Variants in GRB10 observed in about 807,000 individuals in gnomAD.
GRB10 encodes growth factor receptor-bound protein 10.
Under a neutral mutation model 80.9 loss-of-function variants are expected in GRB10, and 20 were observed. That is an observed-to-expected ratio of 0.25 (90% confidence interval 0.17 to 0.36). GRB10 has a LOEUF of 0.36. Among genes scored for constraint, GRB10 ranks in the 10% least tolerant of loss-of-function variants. The probability of loss-of-function intolerance (pLI) is 1.00; values close to 1 mark genes in which losing one functional copy is unlikely to be tolerated. For missense variants in GRB10, 548 were observed against 747.7 expected, an observed-to-expected ratio of 0.73 and a Z score of 3.12; for synonymous variants, 291 against 291.5, an observed-to-expected ratio of 1.00 and a Z score of 0.02.
At chr7:50,606,550 A>T in intron 13 of GRB10, 136 bp from the exon 14 acceptor site, 1 of 719,844 alleles carries the variant, frequency 1.4e-6, no homozygotes, top group Non-Finnish European at 2.5e-6. Context: ...CAGGAGCCTG[A>T]GTGCCGCTGA....
intron 2 of GRB10, among the ~76,000 whole-genome samples, chr7:50,776,320 C>T (rs2077641007): frequency 6.6e-6 from 1 of 152,070 alleles, no homozygotes; most frequent in Non-Finnish European, 1.5e-5. Flanking sequence ...CTCAAGTGAT[C>T]TTCCCACTTC....
At chr7:50,745,760 G>C (rs2072784408) in intron 3 of GRB10, among the ~76,000 whole-genome samples, 1 of 152,170 alleles carries the variant, frequency 6.6e-6, no homozygotes, top group Non-Finnish European at 1.5e-5. Context: ...TAAACCATTT[G>C]TCCCTATAAT....
rs760985397 is a variant in GRB10, at chr7:50,619,231, C to G, written c.716G>C (p.Ser239Thr). ...LVVQVESTMA[S>T]ESKFLFRKNY... ...CTTCCTGAATAGAAATTTACTCTCA[C>G]TGGCCATGGTACTCTCCACCTGGAC... The change falls in exon 9 of 19, where the codon AGT (serine) becomes ACT (threonine). Residue 239 changes from serine to threonine, a missense_variant. By Grantham distance (58) the Ser-to-Thr change is moderately conservative (BLOSUM62 1). This residue lies in a region of GRB10 where 270 missense variants were observed against 433.6 expected (regional missense o/e 0.62). Transcript: ENST00000401949. The G allele has an allele frequency of 6.2e-7, 1 of 1,613,848 alleles. No homozygotes were observed. Among genetic ancestry groups the G allele is most frequent in the Non-Finnish European group, 8.5e-7 (1 of 1,179,870 alleles).
At chr7:50,735,921 T>C (rs1282532340) in intron 3 of GRB10, among the ~76,000 whole-genome samples, 1 of 152,148 alleles carries the variant, frequency 6.6e-6, no homozygotes, top group Non-Finnish European at 1.5e-5. Flanking sequence ...TCATATGGCT[T>C]CTCAAGGGAC....
chr7:50,677,362 T>C (rs1256622282), intron 5 of GRB10, among the ~76,000 whole-genome samples: 2 of 151,910 alleles, frequency 1.3e-5, no homozygotes, highest in African/African-American at 4.8e-5. Context: ...TGGCAAAAAA[T>C]CAGGACCCCT....
intron 7 of GRB10, among the ~76,000 whole-genome samples, chr7:50,652,976 C>T (rs1483031737): frequency 6.6e-6 from 1 of 152,180 alleles, no homozygotes; most frequent in East Asian, 1.9e-4. Flanking sequence ...TAGTTATGCT[C>T]TTGGTACCTA....
At chr7:50,664,058 C>T (rs534410975) in intron 7 of GRB10, among the ~76,000 whole-genome samples, 2 of 152,350 alleles carry the variant, frequency 1.3e-5, no homozygotes, top group East Asian at 1.9e-4. Context: ...TGGCCATGCT[C>T]GGCTGATGGG....
At chr7:50,724,089 TC>T (rs915698731) in intron 4 of GRB10, among the ~76,000 whole-genome samples, 1 of 152,182 alleles carries the variant, frequency 6.6e-6, no homozygotes, top group Admixed American at 6.5e-5. Flanking sequence ...ACTCGCACGT[TC>T]CAGCAGCGCC....
intron 14 of GRB10, 84 bp downstream of exon 14, chr7:50,606,253 C>T (rs1402778354): frequency 9.3e-7 from 1 of 1,072,678 alleles, no homozygotes; most frequent in Non-Finnish European, 1.5e-6. Flanking sequence ...TCTTGCCCAC[C>T]CTGTGTGAAA....
At chr7:50,769,080 A>T (rs1732317326) in intron 2 of GRB10, among the ~76,000 whole-genome samples, 1 of 152,136 alleles carries the variant, frequency 6.6e-6, no homozygotes, top group African/African-American at 2.4e-5. Context: ...TAAAGCATCC[A>T]CTACTCCCCA....
At chr7:50,595,633 A>ACACACACACACACC in intron 17 of GRB10, 103 bp from the exon 18 acceptor site, 1 of 765,532 alleles carries the variant, frequency 1.3e-6, no homozygotes, top group Non-Finnish European at 2.3e-6. Flanking sequence ...ACACACACAC[A>ACACACACACACACC]CACAGGCTTG....
At chr7:50,791,830 G>C (rs1445105029) in intron 1 of GRB10, among the ~76,000 whole-genome samples, 1 of 152,178 alleles carries the variant, frequency 6.6e-6, no homozygotes, top group Non-Finnish European at 1.5e-5. Flanking sequence ...TAGACATCTA[G>C]AATCATTCCT....
intron 7 of GRB10, among the ~76,000 whole-genome samples, chr7:50,649,724 G>A (rs975969353): frequency 1.3e-5 from 2 of 152,108 alleles, no homozygotes; most frequent in Non-Finnish European, 2.9e-5. Context: ...GAGAGGACAG[G>A]AAGCACTGGA....
intron 5 of GRB10, among the ~76,000 whole-genome samples, chr7:50,685,944 C>A (rs1487865553): frequency 6.6e-6 from 1 of 152,132 alleles, no homozygotes; most frequent in Non-Finnish European, 1.5e-5. Flanking sequence ...GGCAGATGAT[C>A]TAGAGCTGTA....
rs1271216424 is a variant in GRB10 at position 50,705,386 on chromosome 7, C to T, written c.52-1478G>A. On this transcript the variant is annotated intron_variant, in intron 4 of 18. Coordinates refer to ENST00000401949, the MANE Select transcript of GRB10 (RefSeq NM_001350814.2). ...AAGGGAGACATTTTCACCAGCTTCT[C>T]TCTTTTTCCCCTTTCAAAAGAAATA... 3 of 658,410 alleles carry T rather than the reference C, an allele frequency of 4.6e-6. No individual in the cohort carries two copies. In the East Asian group the frequency reaches 4.0e-4, roughly 89 times the overall value. 40.8% of individuals were successfully genotyped at this position (658,410 alleles called of 1,614,324 possible).
intron 1 of GRB10, chr7:50,781,537 T>C (rs992418450): frequency 6.6e-6 from 1 of 152,126 alleles, no homozygotes; most frequent in Non-Finnish European, 1.5e-5. Context: ...AAAAGAACAA[T>C]GAGGAAAGAC....
Position 50,606,919 on chromosome 7 carries a change from C to T in GRB10, c.1195-505G>A, listed in dbSNP as rs957631180. 1.2e-4 allele frequency: 20 copies of T among 173,638 alleles called. No homozygotes were observed. In the South Asian group the frequency reaches 1.6e-3, roughly 14 times the overall value. 10.8% of individuals were successfully genotyped at this position (173,638 alleles called of 1,614,324 possible). ...GCAATTTAAGTTTTTCTTGTCATGTCGTGACTTTTCTCTGTTCTTGGGCGC... is the reference window on the plus strand; with the variant it reads ...GCAATTTAAGTTTTTCTTGTCATGTTGTGACTTTTCTCTGTTCTTGGGCGC... On this transcript the variant is annotated intron_variant, in intron 13 of 18. Transcript: ENST00000401949.
chr7:50,711,055 G>A (rs2065818600), intron 4 of GRB10: 1 of 722,622 alleles, frequency 1.4e-6, no homozygotes, highest in African/African-American at 1.7e-5. Context: ...CAATGCCACA[G>A]AGAGCAGAAT....
chr7:50,731,355 C>T (rs958550333), intron 4 of GRB10, among the ~76,000 whole-genome samples: 14 of 150,266 alleles, frequency 9.3e-5, no homozygotes, highest in African/African-American at 3.4e-4. Flanking sequence ...AGCCATAATG[C>T]TGTAGGCAAT....
Sources: gnomAD v4.1 joint callset for allele counts (sites outside exome capture counted in the v4.1 genomes callset) on GRCh38, gnomAD v4.1.1 for gene constraint, gnomAD v4.1.1 regional missense constraint, MANE v1.5 for transcripts, NCBI Gene and HGNC (gene_info 2026-07-23, HGNC 2026-07-21) for gene names.